WWOX: variants seen among roughly 807,000 people sequenced by gnomAD.
WWOX encodes WW domain-containing oxidoreductase.
WWOX carries 69 observed loss-of-function variants against 46.2 expected under a neutral mutation model. The observed-to-expected ratio is 1.49, with a 90% CI of 1.23 to 1.82. The LOEUF is 1.82. Among genes scored for constraint, WWOX ranks in the 40% most tolerant of loss-of-function variants. The pLI is 0.00. For synonymous variants in WWOX, 359 were observed against 202.6 expected (o/e 1.77, Z -6.56); for missense variants, 919 against 542.6 (o/e 1.69, Z -6.89).
intron 8 of WWOX, among the ~76,000 whole-genome samples, chr16:79,090,246 C>T (rs889507638): frequency 1.9e-4 from 29 of 150,082 alleles, no homozygotes; most frequent in African/African-American, 5.7e-4. Context: ...ATGCTAGCCT[C>T]GTGGGGTGCC....
In WWOX at chr16:78,144,448, C is replaced by CGTATATATATATATATAT. The variant is rs71380475; in HGVS notation, c.410-19735_410-19734insGTATATATATATATATAT. Among the ~76,000 whole-genome samples, 85 of 17,578 alleles carry CGTATATATATATATATAT rather than the reference C, an allele frequency of 4.8e-3. 11 individuals are homozygous for CGTATATATATATATATAT. Among genetic ancestry groups the CGTATATATATATATATAT allele is most frequent in the African/African-American group, 0.011 (76 of 6,942 alleles). The allele number at this position is 17,578 out of a possible 152,430, so 11.5% of individuals were successfully genotyped here. A position where few individuals can be genotyped will look rare whatever the true frequency, so the allele number is the denominator to read the frequency against. On this transcript the variant is annotated intron_variant, in intron 4 of 8. Transcript: ENST00000566780. ...CCATTACTATATATATATATATATA[C>CGTATATATATATATATAT]ACATATATATATATACACACATATA...
intron 8 of WWOX, among the ~76,000 whole-genome samples, chr16:79,026,909 G>T (rs1406774210): frequency 1.3e-5 from 2 of 151,078 alleles, no homozygotes; most frequent in Non-Finnish European, 2.9e-5. Context: ...GATTACAGGT[G>T]TGAGCCACCA....
chr16:79,166,547 C>T (rs545552480), intron 8 of WWOX, among the ~76,000 whole-genome samples: 4 of 152,274 alleles, frequency 2.6e-5, no homozygotes, highest in African/African-American at 9.6e-5. Flanking sequence ...TTCCTAACAG[C>T]ACAATTGTTA....
At chr16:78,897,709 A>G (rs1297225580) in intron 8 of WWOX, 2 of 152,150 alleles carry the variant, frequency 1.3e-5, no homozygotes, top group African/African-American at 2.4e-5. Context: ...GTGTGAAATT[A>G]TTGACTCTTA....
chr16:79,023,001 G>C (rs2550711), intron 8 of WWOX, among the ~76,000 whole-genome samples: 1 of 152,006 alleles, frequency 6.6e-6, no homozygotes, highest in Non-Finnish European at 1.5e-5. Context: ...AGAGTTTAGC[G>C]TGGTACTGTG....
chr16:78,780,503 A>C (rs1368869913), intron 8 of WWOX: 1 of 152,244 alleles, frequency 6.6e-6, no homozygotes. Context: ...GGAAGAAGAC[A>C]ATAGGCAAGT....
At chr16:78,658,611 A>T (rs192000898) in intron 8 of WWOX, among the ~76,000 whole-genome samples, 1 of 152,200 alleles carries the variant, frequency 6.6e-6, no homozygotes, top group Non-Finnish European at 1.5e-5. Context: ...AATCCTTGAC[A>T]TTCGTCGGCT....
intron 8 of WWOX, among the ~76,000 whole-genome samples, chr16:78,479,595 C>T (rs891011349): frequency 6.6e-6 from 1 of 152,226 alleles, no homozygotes; most frequent in African/African-American, 2.4e-5. Flanking sequence ...GTCCCATTCC[C>T]TAGAATAGAC....
chr16:78,573,240 C>A (rs112852676), intron 8 of WWOX, among the ~76,000 whole-genome samples: 1 of 151,942 alleles, frequency 6.6e-6, no homozygotes, highest in Non-Finnish European at 1.5e-5. Context: ...GAGCCGAGAT[C>A]GTGCCACTGC....
intron 8 of WWOX, among the ~76,000 whole-genome samples, chr16:78,940,155 G>T (rs1378407664): frequency 1.3e-5 from 2 of 151,938 alleles, no homozygotes; most frequent in South Asian, 4.2e-4. Context: ...TCTACTTTAG[G>T]CAAATGTATG....
At chr16:78,872,055 C>T (rs1247066434) in intron 8 of WWOX, among the ~76,000 whole-genome samples, 1 of 152,194 alleles carries the variant, frequency 6.6e-6, no homozygotes, top group East Asian at 1.9e-4. Context: ...TTCTGTCAAC[C>T]CTTCTAACCA....
At chr16:78,981,566 T>C (rs2046683404) in intron 8 of WWOX, among the ~76,000 whole-genome samples, 2 of 152,028 alleles carry the variant, frequency 1.3e-5, no homozygotes, top group African/African-American at 4.8e-5. Context: ...GCCTCCCAAG[T>C]AGCTGGGAGT....
At chr16:78,866,098 G>T (rs771401154) in intron 8 of WWOX, among the ~76,000 whole-genome samples, 3 of 152,148 alleles carry the variant, frequency 2.0e-5, no homozygotes, top group Admixed American at 1.3e-4. Context: ...GTTTTTTAGA[G>T]CAATGAAAAA....
chr16:78,692,201 C>T lies in WWOX; in HGVS notation c.1056+259449C>T, dbSNP rs114268608. ...GAAGGGAGTGTGGTTGTACTTCAAC[C>T]TGGAACTGTCTAACTCCTAAGGTTT... On this transcript the variant is annotated intron_variant, in intron 8 of 8. Transcript: ENST00000566780. Among the ~76,000 whole-genome samples the T allele has an allele frequency of 3.1e-3, 472 of 152,310 alleles. 3 individuals carry two copies. The highest frequency in any genetic ancestry group is 0.011 in the African/African-American group (450 of 41,562).
intron 5 of WWOX, among the ~76,000 whole-genome samples, chr16:78,355,285 G>T (rs571533571): frequency 6.6e-6 from 1 of 151,924 alleles, no homozygotes; most frequent in Non-Finnish European, 1.5e-5. Context: ...ATACATATAC[G>T]TATATGTATG....
At chr16:78,540,260 C>G (rs910020055) in intron 8 of WWOX, among the ~76,000 whole-genome samples, 8 of 151,534 alleles carry the variant, frequency 5.3e-5, no homozygotes, top group East Asian at 1.9e-4. Flanking sequence ...AAAATGGAAT[C>G]AAGAACCCAG....
chr16:79,169,180 T>C (rs1012440685), intron 8 of WWOX, among the ~76,000 whole-genome samples: 1 of 152,194 alleles, frequency 6.6e-6, no homozygotes, highest in Admixed American at 6.5e-5. Context: ...AAACATTAAA[T>C]AACATGTCCA....
intron 8 of WWOX, among the ~76,000 whole-genome samples, chr16:78,439,333 T>G (rs1238145960): frequency 6.6e-6 from 1 of 152,198 alleles, no homozygotes; most frequent in African/African-American, 2.4e-5. Flanking sequence ...CCTCTGTGGT[T>G]GGACCACACT....
chr16:78,461,071 G>T (rs1037888072), intron 8 of WWOX, among the ~76,000 whole-genome samples: 4 of 152,174 alleles, frequency 2.6e-5, no homozygotes, highest in Admixed American at 2.6e-4. Context: ...GACTATTACT[G>T]TGTTGCTTTG....
Sources: gnomAD v4.1 joint callset for allele counts (sites outside exome capture counted in the v4.1 genomes callset) on GRCh38, gnomAD v4.1.1 for gene constraint, MANE v1.5 for transcripts, NCBI Gene and HGNC (gene_info 2026-07-23, HGNC 2026-07-21) for gene names.